CUL4A: variants seen among roughly 807,000 people sequenced by gnomAD.
The protein encoded by CUL4A is cullin 4A.
Under a neutral mutation model 95.5 loss-of-function variants are expected in CUL4A, and 16 were observed. That is an observed-to-expected ratio of 0.17 (90% CI 0.11 to 0.25). The LOEUF (loss-of-function observed/expected upper bound fraction) is 0.25. CUL4A is among the 10% of genes least tolerant of loss of function. The pLI is 1.00. For synonymous variants in CUL4A, 380 were observed against 353.1 expected (o/e 1.08, Z -0.85); for missense variants, 610 against 937.0 (o/e 0.65, Z 4.56).
At chr13:113,256,925 C>CCTTTTTTTTTTTTTT (rs1491171316) in intron 18 of CUL4A, among the ~76,000 whole-genome samples, 1 of 37,276 alleles carries the variant, frequency 2.7e-5, no homozygotes, top group Non-Finnish European at 5.4e-5. Context: ...TTTTTTTTTT[C>CCTTTTTTTTTTTTTT]GTTTTTTTTT....
chr13:113,211,734 G>A (rs1426555999), intron 2 of CUL4A, among the ~76,000 whole-genome samples: 1 of 152,184 alleles, frequency 6.6e-6, no homozygotes, highest in Non-Finnish European at 1.5e-5. Flanking sequence ...ATAACCCTTT[G>A]TTTGGACATA....
At chr13:113,248,892 A>C (rs2041922847) in intron 15 of CUL4A, among the ~76,000 whole-genome samples, 1 of 152,230 alleles carries the variant, frequency 6.6e-6, no homozygotes, top group Non-Finnish European at 1.5e-5. Context: ...CAGTACAGAC[A>C]ACCATCCTTT....
chr13:113,240,366 C>A (rs547628374), intron 10 of CUL4A, among the ~76,000 whole-genome samples: 4 of 152,234 alleles, frequency 2.6e-5, no homozygotes, highest in African/African-American at 9.6e-5. Flanking sequence ...CTGCTGAAGA[C>A]CCTCTAATGA....
chr13:113,243,078 G>T lies in CUL4A; in HGVS notation c.1146G>T (p.Lys382Asn), dbSNP rs971211908. The change falls in exon 11 of 20, where the codon AAG becomes AAT. Residue 382 changes from lysine to asparagine, a missense_variant. Physicochemically the swap from Lys to Asn is moderately conservative, Grantham distance 94. Around this residue, in one of 10 missense-constraint regions of CUL4A, gnomAD observed 153 missense variants for 244.5 expected, o/e 0.63. Coordinates refer to ENST00000375440, the MANE Select transcript of CUL4A (RefSeq NM_001008895.4). ...ACGTGATCGAGGTCTGCTTCCAGAA[G>T]AATGAGCGGTTCGTCAACCTGATGA... ...VDHVIEVCFQ[K>N]NERFVNLMKE... 6.2e-7 allele frequency: 1 copy of T among 1,614,242 alleles called. No homozygotes were observed. Among genetic ancestry groups the T allele is most frequent in the Admixed American group, 1.7e-5 (1 of 60,028 alleles).
chr13:113,229,831 G>A (rs1469030698), intron 5 of CUL4A: 2 of 468,632 alleles, frequency 4.3e-6, no homozygotes, highest in Non-Finnish European at 7.5e-6. Context: ...TCTTTCCAGC[G>A]CTGCAGTTGA....
intron 3 of CUL4A, among the ~76,000 whole-genome samples, chr13:113,219,972 G>A (rs2040838010): frequency 6.6e-6 from 1 of 152,190 alleles, no homozygotes; most frequent in Non-Finnish European, 1.5e-5. Flanking sequence ...TCATTGGGTA[G>A]GAATTAGAAA....
intron 10 of CUL4A, among the ~76,000 whole-genome samples, chr13:113,240,065 C>G (rs562678333): frequency 3.3e-5 from 5 of 152,336 alleles, no homozygotes; most frequent in Admixed American, 2.0e-4. Context: ...CAGTCCAACC[C>G]GTCGTAGAGT....
At chr13:113,243,247 G>T in intron 11 of CUL4A, 87 bp downstream of exon 11, 1 of 1,335,518 alleles carries the variant, frequency 7.5e-7, no homozygotes, top group Non-Finnish European at 1.0e-6. Flanking sequence ...GGAAAATAAG[G>T]CAAAATCAAC....
At chr13:113,210,957 T>A (rs1567007802) in intron 2 of CUL4A, among the ~76,000 whole-genome samples, 1 of 152,216 alleles carries the variant, frequency 6.6e-6, no homozygotes. Flanking sequence ...GTGGATGATG[T>A]TTTCTTACCA....
At chr13:113,232,028 C>T (rs1336805499) in intron 5 of CUL4A, among the ~76,000 whole-genome samples, 2 of 149,670 alleles carry the variant, frequency 1.3e-5, no homozygotes, top group South Asian at 2.1e-4. Flanking sequence ...CCACCACCAC[C>T]ATTACTGCTG....
intron 18 of CUL4A, among the ~76,000 whole-genome samples, chr13:113,258,721 G>A (rs1201126804): frequency 6.6e-6 from 1 of 152,210 alleles, no homozygotes; most frequent in Non-Finnish European, 1.5e-5. Flanking sequence ...TGACTAACTT[G>A]TAAGAGTGGA....
intron 3 of CUL4A, among the ~76,000 whole-genome samples, chr13:113,223,050 G>A (rs1739295110): frequency 6.6e-6 from 1 of 152,152 alleles, no homozygotes; most frequent in South Asian, 2.1e-4. Flanking sequence ...GAGTCTGAGG[G>A]GATGATGAGA....
chr13:113,221,874 C>T (rs1002302435), intron 3 of CUL4A, among the ~76,000 whole-genome samples: 2 of 152,194 alleles, frequency 1.3e-5, no homozygotes, highest in African/African-American at 4.8e-5. Context: ...CCGCGTCTGG[C>T]CTGTGATAAG....
At chr13:113,218,732 A>T (rs1055421220) in intron 2 of CUL4A, among the ~76,000 whole-genome samples, 1 of 152,068 alleles carries the variant, frequency 6.6e-6, no homozygotes, top group Non-Finnish European at 1.5e-5. Context: ...TGTTACCTCT[A>T]CCCCCATGCC....
chr13:113,221,331 C>T (rs545472202), intron 3 of CUL4A, among the ~76,000 whole-genome samples: 23 of 152,222 alleles, frequency 1.5e-4, no homozygotes, highest in Non-Finnish European at 2.8e-4. Flanking sequence ...ATGGAGGTCA[C>T]TCTGGCAGAA....
upstream of CUL4A, chr13:113,208,373 C>T: frequency 7.0e-7 from 1 of 1,434,252 alleles, no homozygotes; most frequent in South Asian, 1.5e-5. Context: ...CCGCGATCCA[C>T]GGACACCGCC....
At chr13:113,249,543 T>G (rs1027233161) in intron 15 of CUL4A, among the ~76,000 whole-genome samples, 2 of 152,266 alleles carry the variant, frequency 1.3e-5, no homozygotes, top group African/African-American at 4.8e-5. Context: ...TTGGCCGCTG[T>G]GAATAATGCT....
intron 18 of CUL4A, among the ~76,000 whole-genome samples, chr13:113,258,419 T>C (rs559165410): frequency 6.6e-6 from 1 of 152,392 alleles, no homozygotes; most frequent in South Asian, 2.1e-4. Context: ...TGCATTAATT[T>C]ACAGAGCTTT....
At chr13:113,220,641 T>C (rs897882715) in intron 3 of CUL4A, among the ~76,000 whole-genome samples, 1 of 152,214 alleles carries the variant, frequency 6.6e-6, no homozygotes, top group Middle Eastern at 3.2e-3. Context: ...TGATTGTTCC[T>C]ACTCTAGTTG....
Sources: gnomAD v4.1 joint callset for allele counts (sites outside exome capture counted in the v4.1 genomes callset) on GRCh38, gnomAD v4.1.1 for gene constraint, gnomAD v4.1.1 regional missense constraint, MANE v1.5 for transcripts, NCBI Gene and HGNC (gene_info 2026-07-23, HGNC 2026-07-21) for gene names.